The following PSD3 variants were observed in gnomAD, a reference collection of about 807,000 sequenced individuals.
The protein encoded by PSD3 is pleckstrin and Sec7 domain containing 3.
A neutral mutation model predicts 105.5 loss-of-function variants in PSD3; 49 were observed. The ratio of observed to expected loss-of-function variants is 0.46; its 90% confidence interval spans 0.37 to 0.59. PSD3 has a LOEUF of 0.59. Ranked by LOEUF, PSD3 falls within the 20% of genes least tolerant of loss-of-function variation. The pLI, the probability that PSD3 is intolerant of heterozygous loss-of-function variation, is 0.00. For synonymous variants in PSD3, 557 were observed against 457.8 expected (o/e 1.22, Z -2.77); for missense variants, 1,561 against 1,263.8 (o/e 1.24, Z -3.57).
intron 15 of PSD3, among the ~76,000 whole-genome samples, chr8:18,539,322 T>G (rs765550170): frequency 8.5e-5 from 13 of 152,138 alleles, no homozygotes; most frequent in Non-Finnish European, 1.5e-4. Context: ...AACTGAAATT[T>G]CTCTCTTCAT....
At chr8:19,002,616 C>T (rs1195792292) in intron 1 of PSD3, among the ~76,000 whole-genome samples, 1 of 152,030 alleles carries the variant, frequency 6.6e-6, no homozygotes, top group Non-Finnish European at 1.5e-5. Context: ...TTGCACATAA[C>T]ATATTTACAT....
chr8:18,555,733 C>A (rs1801028150), intron 15 of PSD3, among the ~76,000 whole-genome samples: 1 of 152,166 alleles, frequency 6.6e-6, no homozygotes, highest in South Asian at 2.1e-4. Context: ...TTTATCAACC[C>A]CCTTCTGAAG....
At chr8:18,563,318 C>G (rs575392699) in intron 14 of PSD3, among the ~76,000 whole-genome samples, 1 of 151,968 alleles carries the variant, frequency 6.6e-6, no homozygotes, top group Non-Finnish European at 1.5e-5. Flanking sequence ...ACAGGATCTT[C>G]GGTAAACAGT....
At position 18,533,181 on chromosome 8, in the gene PSD3, T is replaced by C. The variant is rs901933; in HGVS notation, c.*2562A>G. 2 of 151,962 alleles carry C rather than the reference T, an allele frequency of 1.3e-5. No individual in the cohort carries two copies. The highest frequency in any genetic ancestry group is 2.9e-5 in the Non-Finnish European group (2 of 68,004). 9.4% of individuals were successfully genotyped at this position (151,962 alleles called of 1,614,324 possible). A position where few individuals can be genotyped will look rare whatever the true frequency, so the allele number is the denominator to read the frequency against. On this transcript the variant is annotated 3_prime_UTR_variant, in exon 16 of 16. Coordinates refer to ENST00000327040, the MANE Select transcript of PSD3 (RefSeq NM_015310.4). ...CAGAATCTAGGCAAATCAGTGACTGTTTCCTCCCATAGCATAAACTCTTGG... is the reference window on the plus strand; with the variant it reads ...CAGAATCTAGGCAAATCAGTGACTGCTTCCTCCCATAGCATAAACTCTTGG...
chr8:19,006,145 T>C (rs1033894065), intron 1 of PSD3, among the ~76,000 whole-genome samples: 1 of 151,138 alleles, frequency 6.6e-6, no homozygotes, highest in Non-Finnish European at 1.5e-5. Context: ...ATACAAAAAT[T>C]AGCTGGGTGT....
At chr8:18,933,460 T>C (rs1012987509) in intron 2 of PSD3, among the ~76,000 whole-genome samples, 1 of 152,146 alleles carries the variant, frequency 6.6e-6, no homozygotes, top group African/African-American at 2.4e-5. Context: ...AGGAGTTTTA[T>C]TTTTTAAATT....
At chr8:18,894,749 C>CA (rs1309877487) in intron 2 of PSD3, among the ~76,000 whole-genome samples, 1 of 152,176 alleles carries the variant, frequency 6.6e-6, no homozygotes, top group Non-Finnish European at 1.5e-5. Flanking sequence ...TCGGAACTCC[C>CA]ACCCTATGAT....
At chr8:18,825,815 G>A (rs183530747) in intron 4 of PSD3, among the ~76,000 whole-genome samples, 2 of 152,246 alleles carry the variant, frequency 1.3e-5, no homozygotes. Flanking sequence ...CTATGTAGTC[G>A]ATTCACAGTC....
intron 4 of PSD3, among the ~76,000 whole-genome samples, chr8:18,831,793 T>A (rs1813701334): frequency 6.6e-6 from 1 of 152,104 alleles, no homozygotes; most frequent in Admixed American, 6.6e-5. Context: ...GAAGACATGT[T>A]GCAAATAAAT....
intron 11 of PSD3, among the ~76,000 whole-genome samples, chr8:18,629,674 A>C (rs185016474): frequency 1.0e-3 from 155 of 152,086 alleles, no homozygotes; most frequent in African/African-American, 3.7e-3. Context: ...AAAGACAGAT[A>C]ATCATCTGTC....
intron 9 of PSD3, among the ~76,000 whole-genome samples, chr8:18,686,561 C>G (rs58830882): frequency 0.052 from 7,848 of 152,276 alleles, 688 homozygotes; most frequent in African/African-American, 0.18. Flanking sequence ...AGTCTCACAG[C>G]AGATGATCCC....
At chr8:18,820,170 CCTT>C (rs1188901277) in intron 4 of PSD3, among the ~76,000 whole-genome samples, 1 of 55,952 alleles carries the variant, frequency 1.8e-5, no homozygotes, top group African/African-American at 5.6e-5. Context: ...GCATTTTTTT[CCTT>C]TTTTTTTTTT....
intron 9 of PSD3, among the ~76,000 whole-genome samples, chr8:18,750,246 G>C (rs73199955): frequency 0.12 from 18,497 of 152,198 alleles, 2,500 homozygotes; most frequent in African/African-American, 0.34. Context: ...CTCGCGGTGA[G>C]TGCTACAGCT....
intron 9 of PSD3, among the ~76,000 whole-genome samples, chr8:18,738,175 C>A (rs1231559804): frequency 2.6e-5 from 4 of 152,102 alleles, no homozygotes; most frequent in African/African-American, 4.8e-5. Flanking sequence ...CAAACTGTTA[C>A]CAGGACTTTC....
chr8:19,069,041 G>A (rs1193043876), intron 1 of PSD3, among the ~76,000 whole-genome samples: 1 of 152,114 alleles, frequency 6.6e-6, no homozygotes, highest in Non-Finnish European at 1.5e-5. Flanking sequence ...TTCTGATGGG[G>A]CTATTCAAAC....
intron 2 of PSD3, among the ~76,000 whole-genome samples, chr8:18,895,851 G>A (rs893237645): frequency 2.6e-5 from 4 of 152,132 alleles, no homozygotes; most frequent in Admixed American, 6.5e-5. Flanking sequence ...TACAATAAAT[G>A]TTTGTAAATT....
intron 2 of PSD3, among the ~76,000 whole-genome samples, chr8:18,878,986 C>A (rs951437681): frequency 1.3e-5 from 2 of 151,566 alleles, no homozygotes; most frequent in African/African-American, 4.9e-5. Context: ...CACTTGGGAG[C>A]CCGCTTTGCT....
chr8:18,700,688 C>T (rs138652838), intron 9 of PSD3, among the ~76,000 whole-genome samples: 11 of 152,300 alleles, frequency 7.2e-5, no homozygotes, highest in Admixed American at 2.0e-4. Context: ...AAGACCAATA[C>T]GTAGAATACT....
At chr8:18,764,766 G>C (rs536691355) in intron 9 of PSD3, among the ~76,000 whole-genome samples, 6 of 152,152 alleles carry the variant, frequency 3.9e-5, no homozygotes, top group African/African-American at 1.4e-4. Context: ...GAATCAAAAA[G>C]ACAACTGTAA....
Sources: gnomAD v4.1 joint callset for allele counts (sites outside exome capture counted in the v4.1 genomes callset) on GRCh38, gnomAD v4.1.1 for gene constraint, MANE v1.5 for transcripts, NCBI Gene and HGNC (gene_info 2026-07-23, HGNC 2026-07-21) for gene names.